Variants in P3H2 observed in about 807,000 individuals in gnomAD.
P3H2 encodes prolyl 3-hydroxylase 2.
In P3H2, 80 loss-of-function variants were observed where a neutral mutation model predicts 87.0. That is an observed-to-expected ratio of 0.92 (90% CI 0.77 to 1.11). The LOEUF (loss-of-function observed/expected upper bound fraction) is 1.11. P3H2 is among the 50% of genes least tolerant of loss of function. The pLI is 0.00. For missense variants in P3H2, 1,001 were observed against 923.9 expected (o/e 1.08, Z -1.08); for synonymous variants, 367 against 359.3 (o/e 1.02, Z -0.24).
chr3:190,095,163 A>G (rs927435138), intron 1 of P3H2, among the ~76,000 whole-genome samples: 72 of 151,708 alleles, frequency 4.7e-4, no homozygotes, highest in African/African-American at 1.7e-3. Context: ...TACAGACATG[A>G]AAACTGAGAC....
chr3:190,083,285 G>A (rs952092489), intron 1 of P3H2, among the ~76,000 whole-genome samples: 1 of 152,156 alleles, frequency 6.6e-6, no homozygotes, highest in Non-Finnish European at 1.5e-5. Flanking sequence ...TTCTAACAAA[G>A]AGGAAACACC....
At chr3:190,062,443 A>G (rs76510811) in intron 1 of P3H2, among the ~76,000 whole-genome samples, 2,832 of 152,310 alleles carry the variant, frequency 0.019, 85 homozygotes, top group African/African-American at 0.065. Flanking sequence ...CAAATTGAAT[A>G]AAGAAATAAT....
At chr3:189,967,303 TTA>T (rs1723033577) in intron 13 of P3H2, among the ~76,000 whole-genome samples, 1 of 151,434 alleles carries the variant, frequency 6.6e-6, no homozygotes, top group Admixed American at 6.6e-5. Flanking sequence ...TTAAAAATAG[TTA>T]TAGATTTTAA....
chr3:190,019,788 ATATATATATATAT>A lies in P3H2; in HGVS notation c.481-24359_481-24347del, dbSNP rs1724882099. ...TGACATTACCTAGAAATTAAAAAAT[ATATATATATATAT>A]ATATATATATATATACTCACAAACC... On this transcript the variant is annotated intron_variant, in intron 1 of 14. Transcript: ENST00000319332. 6.0e-5 allele frequency among the ~76,000 whole-genome samples: 2 copies of A among 33,176 alleles called. 1 individual carries two copies. Among genetic ancestry groups the A allele is most frequent in the East Asian group, 2.7e-3 (2 of 748 alleles). The allele number at this position is 33,176 out of a possible 152,430, so 21.8% of individuals were successfully genotyped here.
intron 13 of P3H2, among the ~76,000 whole-genome samples, chr3:189,966,105 AAAAGAAAGAAAGAAAGAAAAAG>A (rs1722978293): frequency 1.1e-5 from 1 of 91,216 alleles, no homozygotes; most frequent in African/African-American, 5.0e-5. Context: ...AAAGAAAGAA[AAAAGAAAGAAAGAAAGAAAAAG>A]AAAGAAAGAA....
intron 1 of P3H2, among the ~76,000 whole-genome samples, chr3:190,118,376 C>T (rs1034979844): frequency 6.6e-6 from 1 of 151,952 alleles, no homozygotes; most frequent in African/African-American, 2.4e-5. Context: ...CTACAGGGAC[C>T]ACCCATGTTC....
At chr3:189,995,197 T>G in intron 2 of P3H2, 93 bp downstream of exon 2, 2,434 of 1,153,148 alleles carry the variant, frequency 2.1e-3, no homozygotes, top group Non-Finnish European at 2.8e-3. Flanking sequence ...ATAAACTTTA[T>G]GAGATATTCA....
At chr3:189,986,738 A>C in intron 6 of P3H2, 50 bp downstream of exon 6, 1 of 1,302,804 alleles carries the variant, frequency 7.7e-7, no homozygotes, top group Non-Finnish European at 1.1e-6. Flanking sequence ...AAACATAAAA[A>C]GGATTCCACT....
chr3:190,075,223 T>G, intron 1 of P3H2, among the ~76,000 whole-genome samples: 1 of 152,214 alleles, frequency 6.6e-6, no homozygotes. Flanking sequence ...CAGTGGCTCA[T>G]GCCAGGAATC....
Position 190,014,154 on chromosome 3 carries a change from G to A in P3H2, c.481-18712C>T, listed in dbSNP as rs558420920. On this transcript the variant is annotated intron_variant, in intron 1 of 14. Transcript: ENST00000319332. ...GTGCTGATCCTGGAGGAAAAGATGTGATTTGAATATGAGAAGCAGGGCTCA... is the reference window on the plus strand; with the variant it reads ...GTGCTGATCCTGGAGGAAAAGATGTAATTTGAATATGAGAAGCAGGGCTCA... 1.2e-4 allele frequency among the ~76,000 whole-genome samples: 18 copies of A among 152,330 alleles called. No homozygotes were observed. In the South Asian group the frequency reaches 3.7e-3, roughly 32 times the overall value.
chr3:190,113,998 T>G (rs1712176330), intron 1 of P3H2, among the ~76,000 whole-genome samples: 2 of 136,236 alleles, frequency 1.5e-5, no homozygotes, highest in South Asian at 2.4e-4. Flanking sequence ...GAGAATGGCG[T>G]GAACCCGGGA....
chr3:190,031,907 A>T (rs1460821530), intron 1 of P3H2, among the ~76,000 whole-genome samples: 2 of 152,222 alleles, frequency 1.3e-5, no homozygotes, highest in Non-Finnish European at 1.5e-5. Context: ...AGAGGAGACT[A>T]AAAAGACAAC....
intron 1 of P3H2, among the ~76,000 whole-genome samples, chr3:190,089,798 T>A (rs895703669): frequency 1.3e-5 from 2 of 152,190 alleles, no homozygotes; most frequent in African/African-American, 4.8e-5. Flanking sequence ...GTGTCCAATC[T>A]GTGGGGCCTG....
intron 1 of P3H2, among the ~76,000 whole-genome samples, chr3:190,008,033 A>T (rs1724451024): frequency 6.8e-6 from 1 of 147,472 alleles, no homozygotes; most frequent in Non-Finnish European, 1.5e-5. Context: ...TAAAATAATG[A>T]CCTAAGTGAT....
At chr3:190,114,741 AAG>A (rs1050532315) in intron 1 of P3H2, among the ~76,000 whole-genome samples, 17 of 152,318 alleles carry the variant, frequency 1.1e-4, no homozygotes, top group South Asian at 4.1e-4. Flanking sequence ...TCAGTTGTTA[AAG>A]AGAGGGGGGA....
chr3:190,114,299 T>C (rs1313198897), intron 1 of P3H2, among the ~76,000 whole-genome samples: 1 of 150,186 alleles, frequency 6.7e-6, no homozygotes, highest in Non-Finnish European at 1.5e-5. Context: ...TTCTCCTGCC[T>C]CAGCCTCCCG....
chr3:189,995,222 C>T lies in P3H2; in HGVS notation c.633+68G>A, dbSNP rs1724013412. ...TGAGATATTCATTCATAGAAATTTG[C>T]TGTGACTCAGATGAAACTTAGGAGC... On this transcript the variant is annotated intron_variant, in intron 2 of 14. Transcript: ENST00000319332. 5 of 1,460,240 alleles carry T rather than the reference C, an allele frequency of 3.4e-6. No homozygotes were observed. In the South Asian group the frequency reaches 3.5e-5, roughly 10 times the overall value. 90.5% of individuals were successfully genotyped at this position (1,460,240 alleles called of 1,614,324 possible).
chr3:189,985,475 A>G (rs113820542), intron 6 of P3H2, among the ~76,000 whole-genome samples: 1,936 of 151,666 alleles, frequency 0.013, 37 homozygotes, highest in African/African-American at 0.044. Context: ...TGCCTGTTCA[A>G]TCTGTTGTGA....
chr3:190,071,340 T>C (rs1009602055), intron 1 of P3H2, among the ~76,000 whole-genome samples: 1 of 152,352 alleles, frequency 6.6e-6, no homozygotes, highest in African/African-American at 2.4e-5. Context: ...CTAGAATAAA[T>C]ATTGAATTAA....
Sources: gnomAD v4.1 joint callset for allele counts (sites outside exome capture counted in the v4.1 genomes callset) on GRCh38, gnomAD v4.1.1 for gene constraint, MANE v1.5 for transcripts, NCBI Gene and HGNC (gene_info 2026-07-23, HGNC 2026-07-21) for gene names.